The following PLCG2 variants were observed in gnomAD, a reference collection of about 807,000 sequenced individuals.
PLCG2 encodes the protein 1-phosphatidylinositol 4,5-bisphosphate phosphodiesterase gamma-2.
PLCG2 carries 69 observed loss-of-function variants against 175.6 expected under a neutral mutation model. That is an observed-to-expected ratio of 0.39 (90% CI 0.32 to 0.48). The LOEUF (loss-of-function observed/expected upper bound fraction) is 0.48, where lower values mean the gene tolerates loss of function less well. PLCG2 is among the 20% of genes least tolerant of loss of function. PLCG2 has a pLI of 0.91. For missense variants in PLCG2, 1,798 were observed against 1,650.9 expected (o/e 1.09, Z -1.54); for synonymous variants, 827 against 624.0 (o/e 1.33, Z -4.85).
Position 81,843,749 on chromosome 16 carries a change from C to T in PLCG2, c.194-10695C>T, listed in dbSNP as rs948536092. Among the ~76,000 whole-genome samples, 3 of 152,190 alleles carry T rather than the reference C, an allele frequency of 2.0e-5. No individual in the cohort carries two copies. In the East Asian group the frequency reaches 5.8e-4, roughly 29 times the overall value. On this transcript the variant is annotated intron_variant, in intron 2 of 32. Coordinates refer to ENST00000564138, the MANE Select transcript of PLCG2 (RefSeq NM_002661.5). ...ACAATGAAATGATCTGCTTAAAATA[C>T]TAAAGATTCATTTAAATTGGACCCT...
intron 1 of PLCG2, chr16:81,785,663 A>T: frequency 4.3e-6 from 1 of 233,526 alleles, no homozygotes; most frequent in Non-Finnish European, 8.5e-6. Flanking sequence ...GTGGGGAGAG[A>T]GGGGACTCAC....
chr16:81,747,531 T>C (rs1486562769), intron 1 of PLCG2, among the ~76,000 whole-genome samples: 2 of 152,072 alleles, frequency 1.3e-5, no homozygotes, highest in African/African-American at 4.8e-5. Flanking sequence ...GAAGACTCTG[T>C]CTGAAATAAT....
chr16:81,940,031 C>G lies in PLCG2; in HGVS notation c.3453C>G (p.Ala1151=). 1 of 1,613,724 alleles carries G rather than the reference C, an allele frequency of 6.2e-7. No individual in the cohort carries two copies. The highest frequency in any genetic ancestry group is 8.5e-7 in the Non-Finnish European group (1 of 1,179,624). ...GCGATCCCAACTTTCTTGCTCATGCCACTTACCCCATTAAAGCAGTCAAAT... is the reference window on the plus strand; with the variant it reads ...GCGATCCCAACTTTCTTGCTCATGCGACTTACCCCATTAAAGCAGTCAAAT... ...MFSDPNFLAH[A]TYPIKAVKSG... is the part of the protein sequence containing the mutation. Residue 1151 remains alanine (A), a synonymous_variant, in exon 30 of 33, where the codon GCC becomes GCG. Coordinates refer to ENST00000564138, the MANE Select transcript of PLCG2 (RefSeq NM_002661.5).
chr16:81,920,165 C>G (rs902662408), intron 20 of PLCG2, among the ~76,000 whole-genome samples: 3 of 152,188 alleles, frequency 2.0e-5, no homozygotes, highest in Non-Finnish European at 4.4e-5. Flanking sequence ...TCACAGGTGA[C>G]TTATCATGCA....
intron 7 of PLCG2, among the ~76,000 whole-genome samples, chr16:81,876,261 G>T (rs960224687): frequency 6.6e-6 from 1 of 152,090 alleles, no homozygotes; most frequent in Non-Finnish European, 1.5e-5. Context: ...GGGCTCAAGT[G>T]ATCCACCCGC....
intron 1 of PLCG2, among the ~76,000 whole-genome samples, chr16:81,748,252 T>G (rs1909742459): frequency 6.6e-6 from 1 of 152,170 alleles, no homozygotes; most frequent in Admixed American, 6.5e-5. Flanking sequence ...TAGCTGGGCT[T>G]GGTGGCACAT....
chr16:81,867,709 A>T (rs10871423), intron 5 of PLCG2, among the ~76,000 whole-genome samples: 80,788 of 149,964 alleles, frequency 0.54, 22,420 homozygotes, highest in Middle Eastern at 0.62. Flanking sequence ...TTTCTTTTTT[A>T]TTTTTGGAGA....
chr16:81,804,766 T>A (rs1911915278), intron 2 of PLCG2, among the ~76,000 whole-genome samples: 1 of 152,172 alleles, frequency 6.6e-6, no homozygotes, highest in African/African-American at 2.4e-5. Context: ...CTCCTCTGCC[T>A]CCTCTTTGGC....
intron 14 of PLCG2, among the ~76,000 whole-genome samples, chr16:81,903,087 C>A (rs140532745): frequency 1.3e-5 from 2 of 152,156 alleles, no homozygotes; most frequent in Non-Finnish European, 2.9e-5. Context: ...GCTACCATCT[C>A]CAAATACCAT....
At chr16:81,822,129 C>G (rs1904826861) in intron 2 of PLCG2, among the ~76,000 whole-genome samples, 1 of 152,132 alleles carries the variant, frequency 6.6e-6, no homozygotes, top group Admixed American at 6.6e-5. Flanking sequence ...TGTGCTTGCC[C>G]TAGAGCTTGT....
At chr16:81,752,003 C>A (rs952036987) in intron 1 of PLCG2, among the ~76,000 whole-genome samples, 2 of 151,434 alleles carry the variant, frequency 1.3e-5, no homozygotes, top group Non-Finnish European at 2.9e-5. Context: ...GCCTGGCCAA[C>A]AAAGCAAGAG....
intron 2 of PLCG2, among the ~76,000 whole-genome samples, chr16:81,787,676 A>G (rs1290828278): frequency 6.6e-6 from 1 of 152,036 alleles, no homozygotes; most frequent in East Asian, 1.9e-4. Flanking sequence ...AATCAAAAGT[A>G]GAACCTTTAT....
chr16:81,778,059 A>AAATAATAC (rs2143132184), upstream of PLCG2, among the ~76,000 whole-genome samples: 1 of 95,824 alleles, frequency 1.0e-5, no homozygotes, highest in African/African-American at 5.2e-5. Context: ...AAAAAACAAA[A>AAATAATAC]AAAACCAAAA....
intron 24 of PLCG2, among the ~76,000 whole-genome samples, chr16:81,929,016 G>T (rs12448088): frequency 2.0e-5 from 3 of 151,916 alleles, no homozygotes; most frequent in Admixed American, 6.6e-5. Flanking sequence ...CTGCCTCTCT[G>T]TCGCTGTGAG....
intron 31 of PLCG2, among the ~76,000 whole-genome samples, chr16:81,954,848 C>T (rs1481906579): frequency 1.3e-5 from 2 of 152,132 alleles, no homozygotes; most frequent in Admixed American, 1.3e-4. Flanking sequence ...CCTTTGGGTA[C>T]ATACCCAGTA....
chr16:81,899,245 C>A (rs929423867), intron 13 of PLCG2, among the ~76,000 whole-genome samples: 29 of 150,716 alleles, frequency 1.9e-4, no homozygotes, highest in African/African-American at 6.6e-4. Context: ...AATGACTTTT[C>A]TCCTGCCTCA....
intron 24 of PLCG2, among the ~76,000 whole-genome samples, chr16:81,929,658 A>G (rs1055577884): frequency 2.6e-5 from 4 of 152,218 alleles, no homozygotes; most frequent in Non-Finnish European, 2.9e-5. Context: ...AGCCTCCCAA[A>G]GTGCTGGGAT....
intron 2 of PLCG2, among the ~76,000 whole-genome samples, chr16:81,832,896 G>A (rs983881940): frequency 2.6e-5 from 4 of 152,186 alleles, no homozygotes; most frequent in Non-Finnish European, 5.9e-5. Flanking sequence ...AGGTGTCAGC[G>A]TGTGAGGCCC....
chr16:81,872,396 A>G lies in PLCG2; in HGVS notation c.648+1461A>G, dbSNP rs766806887. Among the ~76,000 whole-genome samples, 20 of 152,190 alleles carry G rather than the reference A, an allele frequency of 1.3e-4. No homozygotes were observed. In the East Asian group the frequency reaches 1.3e-3, roughly 10 times the overall value. On this transcript the variant is annotated intron_variant, in intron 7 of 32. Coordinates refer to ENST00000564138, the MANE Select transcript of PLCG2 (RefSeq NM_002661.5). ...TCCTTTTTATGAGCAAGGGGAGAGT[A>G]TGGAAGAAAGCACCTCACATTTAAT...
Sources: allele counts gnomAD v4.1 joint callset (sites outside exome capture counted in the v4.1 genomes callset), GRCh38; gene constraint gnomAD v4.1.1; transcripts MANE v1.5; gene names NCBI Gene and HGNC (gene_info 2026-07-23, HGNC 2026-07-21).